The following RBMS3 variants were observed in gnomAD, a reference collection of about 807,000 sequenced individuals.
RBMS3 encodes the protein RNA-binding motif, single-stranded-interacting protein 3.
In RBMS3, 27 loss-of-function variants were observed where a neutral mutation model predicts 66.8. The ratio of observed to expected loss-of-function variants is 0.40; its 90% CI spans 0.30 to 0.56. The LOEUF is 0.56. Ranked by LOEUF, RBMS3 falls within the 20% of genes least tolerant of loss-of-function variation. RBMS3 has a pLI of 0.40. For synonymous variants in RBMS3, 188 were observed against 183.0 expected, an observed-to-expected ratio of 1.03 and a Z score of -0.22; for missense variants, 513 against 549.5, an observed-to-expected ratio of 0.93 and a Z score of 0.66.
chr3:29,531,069 G>C (rs2045335578), intron 3 of RBMS3, among the ~76,000 whole-genome samples: 1 of 152,154 alleles, frequency 6.6e-6, no homozygotes, highest in East Asian at 1.9e-4. Flanking sequence ...GTTTAACAAA[G>C]TGAAAAGTTA....
In RBMS3 at chr3:29,523,952, G is replaced by A. The variant is rs2148978548; in HGVS notation, c.307+35453G>A. ...AGGTCCCCGTATGTTGCCCAGGCTGGTCTTGAACTCCTGGCCACAAGCAAT... is the reference window on the plus strand; with the variant it reads ...AGGTCCCCGTATGTTGCCCAGGCTGATCTTGAACTCCTGGCCACAAGCAAT... On this transcript the variant is annotated intron_variant, in intron 3 of 14. Transcript: ENST00000383767. 1.3e-5 allele frequency among the ~76,000 whole-genome samples: 2 copies of A among 152,106 alleles called. 1 individual carries two copies. The highest frequency in any genetic ancestry group is 4.2e-4 in the South Asian group (2 of 4,816).
intron 4 of RBMS3, among the ~76,000 whole-genome samples, chr3:29,663,644 G>A (rs374164726): frequency 5.3e-5 from 8 of 152,162 alleles, no homozygotes; most frequent in East Asian, 1.9e-4. Flanking sequence ...CAGTGGCCTC[G>A]AGAAGACTAT....
chr3:29,634,639 T>G (rs574603074), intron 4 of RBMS3, among the ~76,000 whole-genome samples: 2 of 151,980 alleles, frequency 1.3e-5, no homozygotes, highest in African/African-American at 4.8e-5. Flanking sequence ...TTGACTTTCT[T>G]CCTTTACTGA....
intron 1 of RBMS3, among the ~76,000 whole-genome samples, chr3:29,285,176 T>C (rs2032198505): frequency 6.9e-6 from 1 of 144,160 alleles, no homozygotes; most frequent in Admixed American, 7.0e-5. Context: ...CCTGTTGCTG[T>C]TGACTTATGA....
intron 1 of RBMS3, among the ~76,000 whole-genome samples, chr3:29,292,437 T>C (rs572302156): frequency 2.6e-5 from 4 of 152,058 alleles, no homozygotes; most frequent in African/African-American, 9.6e-5. Flanking sequence ...ACTATTTTTT[T>C]ACTTTCTTTC....
chr3:29,473,518 TTGGGTGGTTGATGGGAC>T (rs2042826262), intron 2 of RBMS3, among the ~76,000 whole-genome samples: 1 of 152,164 alleles, frequency 6.6e-6, no homozygotes, highest in Non-Finnish European at 1.5e-5. Context: ...TCCTCAGCCC[TTGGGTGGTTGATGGGAC>T]TGGGCGCCGT....
intron 1 of RBMS3, among the ~76,000 whole-genome samples, chr3:29,341,682 G>A (rs986330200): frequency 6.6e-6 from 1 of 151,960 alleles, no homozygotes; most frequent in Non-Finnish European, 1.5e-5. Flanking sequence ...ACCTCCACTT[G>A]GCTTCTCTTC....
chr3:29,699,399 G>C (rs1462270921), intron 4 of RBMS3, among the ~76,000 whole-genome samples: 1 of 152,076 alleles, frequency 6.6e-6, no homozygotes, highest in African/African-American at 2.4e-5. Context: ...CACCTGTCTT[G>C]GCCTCCCTAA....
intron 1 of RBMS3, among the ~76,000 whole-genome samples, chr3:29,424,846 G>T (rs780092769): frequency 1.3e-5 from 2 of 152,140 alleles, no homozygotes; most frequent in Non-Finnish European, 2.9e-5. Context: ...AATGGAAAAT[G>T]CCTCATTATT....
At chr3:29,761,206 C>T (rs1261334625) in intron 5 of RBMS3, among the ~76,000 whole-genome samples, 1 of 152,050 alleles carries the variant, frequency 6.6e-6, no homozygotes, top group African/African-American at 2.4e-5. Context: ...AAATTTAGCC[C>T]TGCTTGGCGG....
chr3:29,833,420 C>T (rs2058423949), intron 6 of RBMS3, among the ~76,000 whole-genome samples: 2 of 151,766 alleles, frequency 1.3e-5, no homozygotes, highest in Admixed American at 1.3e-4. Context: ...CAAGAAAACA[C>T]AGAAAAGCAA....
chr3:29,739,759 C>G lies in RBMS3; in HGVS notation c.439C>G (p.Leu147Val), dbSNP rs771414371. ...QDPTNLYISN[L>V]PISMDEQELE... Reference sequence around the variant, plus strand: ...CCCAACAAACCTATACATCTCAAATCTCCCCATTTCTATGGATGAGCAGGA... The same window carrying G: ...CCCAACAAACCTATACATCTCAAATGTCCCCATTTCTATGGATGAGCAGGA... Residue 147 changes from leucine to valine, a missense_variant, in exon 5 of 15, where the codon CTC becomes GTC. Coordinates refer to ENST00000383767, the MANE Select transcript of RBMS3 (RefSeq NM_001003793.3). 7.4e-6 allele frequency: 12 copies of G among 1,611,810 alleles called. No homozygotes were observed. The highest frequency in any genetic ancestry group is 6.7e-5 in the Admixed American group (4 of 59,538).
At chr3:29,652,169 A>C (rs145476856) in intron 4 of RBMS3, among the ~76,000 whole-genome samples, 1 of 152,224 alleles carries the variant, frequency 6.6e-6, no homozygotes, top group South Asian at 2.1e-4. Context: ...AAATTCCCAA[A>C]GTTTTTGTAA....
intron 4 of RBMS3, among the ~76,000 whole-genome samples, chr3:29,685,726 G>A (rs553008705): frequency 8.5e-5 from 13 of 152,334 alleles, no homozygotes; most frequent in Admixed American, 8.5e-4. Context: ...ATATTTGTTT[G>A]AGAGCTTGAA....
At chr3:29,573,881 CT>C (rs2047022087) in intron 3 of RBMS3, among the ~76,000 whole-genome samples, 1 of 151,922 alleles carries the variant, frequency 6.6e-6, no homozygotes, top group African/African-American at 2.4e-5. Flanking sequence ...TCCAAAATTC[CT>C]CTTGTTGATT....
At chr3:29,760,891 G>C (rs2055653785) in intron 5 of RBMS3, among the ~76,000 whole-genome samples, 1 of 151,958 alleles carries the variant, frequency 6.6e-6, no homozygotes. Flanking sequence ...ATTGCATAAA[G>C]AGTTTTCTTT....
At chr3:29,528,758 A>T (rs1311663836) in intron 3 of RBMS3, among the ~76,000 whole-genome samples, 8 of 151,964 alleles carry the variant, frequency 5.3e-5, no homozygotes, top group Non-Finnish European at 1.2e-4. Flanking sequence ...TTTGAGATGG[A>T]GTTTTACTCC....
chr3:29,988,896 G>GACACTGGACTAATGCACTGGTTC (rs1429768433), intron 13 of RBMS3, among the ~76,000 whole-genome samples: 16 of 152,296 alleles, frequency 1.1e-4, no homozygotes, highest in African/African-American at 3.8e-4. Context: ...AAATTTGAGA[G>GACACTGGACTAATGCACTGGTTC]ACACTGGACT....
At chr3:29,561,551 C>T (rs570932575) in intron 3 of RBMS3, among the ~76,000 whole-genome samples, 126 of 152,214 alleles carry the variant, frequency 8.3e-4, no homozygotes, top group African/African-American at 2.8e-3. Flanking sequence ...CTCATTGGTT[C>T]GAGCAATTCC....
Sources: gnomAD v4.1 joint callset for allele counts (sites outside exome capture counted in the v4.1 genomes callset) on GRCh38, gnomAD v4.1.1 for gene constraint, MANE v1.5 for transcripts, NCBI Gene and HGNC (gene_info 2026-07-23, HGNC 2026-07-21) for gene names.